The following XIRP2 variants were observed in gnomAD, a reference collection of about 807,000 sequenced individuals.
XIRP2 encodes the protein xin actin binding repeat containing 2.
A neutral mutation model predicts 277.0 loss-of-function variants in XIRP2; 236 were observed. That is an observed-to-expected ratio of 0.85 (90% CI 0.77 to 0.95). The LOEUF (loss-of-function observed/expected upper bound fraction) is 0.95, where lower values mean the gene tolerates loss of function less well. XIRP2 is among the 40% of genes least tolerant of loss of function. The pLI is 0.00. For synonymous variants in XIRP2, 1,490 were observed against 1,416.5 expected, an observed-to-expected ratio of 1.05 and a Z score of -1.17; for missense variants, 4,640 against 4,157.5, an observed-to-expected ratio of 1.12 and a Z score of -3.19.
At chr2:167,207,208 C>A (rs548244309) in intron 3 of XIRP2, among the ~76,000 whole-genome samples, 1 of 152,122 alleles carries the variant, frequency 6.6e-6, no homozygotes, top group African/African-American at 2.4e-5. Flanking sequence ...TCACTGAATT[C>A]CAAATTTGAA....
intron 2 of XIRP2, among the ~76,000 whole-genome samples, chr2:167,021,979 T>C (rs1328622939): frequency 6.6e-6 from 1 of 152,130 alleles, no homozygotes; most frequent in African/African-American, 2.4e-5. Context: ...TTGAAAGTTA[T>C]TAACCCTACA....
intron 2 of XIRP2, among the ~76,000 whole-genome samples, chr2:167,099,663 T>C (rs1690435114): frequency 6.6e-6 from 1 of 152,178 alleles, no homozygotes. Context: ...TCTCCTGGTC[T>C]GTGGGTTGCA....
At chr2:166,999,382 T>C (rs900815175) in intron 2 of XIRP2, among the ~76,000 whole-genome samples, 1 of 148,338 alleles carries the variant, frequency 6.7e-6, no homozygotes, top group African/African-American at 2.5e-5. Context: ...TTTCTAATTT[T>C]AGAAGTAAAG....
At position 167,251,339 on chromosome 2, in the gene XIRP2, A is replaced by G. The variant is rs965064294; in HGVS notation, c.9947A>G (p.Asn3316Ser). The G allele has an allele frequency of 7.4e-6, 12 of 1,613,528 alleles. No individual in the cohort carries two copies. Among genetic ancestry groups the G allele is most frequent in the African/African-American group, 1.3e-5 (1 of 74,852 alleles). Reference protein sequence around the residue: ...SEHTQRYEAANRTVQMAENFV... With the variant: ...SEHTQRYEAASRTVQMAENFV... ...CACACACAGAGATATGAAGCGGCCA[A>G]CCGAACTGTTCAAATGGCTGAAAAT... The change falls in exon 9 of 11, where the codon AAC becomes AGC. Residue 3316 changes from asparagine (N) to serine (S), a missense_variant. Physicochemically the swap from Asn to Ser is conservative, Grantham distance 46 (BLOSUM62 1). Coordinates refer to ENST00000409195, the MANE Select transcript of XIRP2 (RefSeq NM_152381.6).
intron 2 of XIRP2, among the ~76,000 whole-genome samples, chr2:166,988,651 G>A (rs1348642182): frequency 1.7e-5 from 2 of 121,084 alleles, no homozygotes; most frequent in Non-Finnish European, 1.7e-5. Context: ...TGCCTCACCT[G>A]GGAAGCGCAA....
intron 2 of XIRP2, among the ~76,000 whole-genome samples, chr2:167,127,291 G>A (rs1435031289): frequency 6.6e-6 from 1 of 151,840 alleles, no homozygotes; most frequent in Admixed American, 6.6e-5. Context: ...GAAACATAAG[G>A]TAGAGTTGTG....
At chr2:167,197,388 T>A (rs1693549581) in intron 3 of XIRP2, among the ~76,000 whole-genome samples, 1 of 152,264 alleles carries the variant, frequency 6.6e-6, no homozygotes, top group East Asian at 1.9e-4. Context: ...CAAGACAAAT[T>A]CATTCAACAA....
At chr2:166,949,180 T>A (rs1343597885) in intron 2 of XIRP2, among the ~76,000 whole-genome samples, 6 of 152,118 alleles carry the variant, frequency 3.9e-5, no homozygotes, top group Admixed American at 3.9e-4. Flanking sequence ...ATTATCATTT[T>A]GCTATATTTC....
Position 167,249,195 on chromosome 2 carries a change from T to G in XIRP2, c.7803T>G (p.Ile2601Met). 6.2e-7 allele frequency: 1 copy of G among 1,613,670 alleles called. No homozygotes were observed. The highest frequency in any genetic ancestry group is 2.2e-5 in the East Asian group (1 of 44,834). The change falls in exon 9 of 11, where the codon ATT becomes ATG. Residue 2601 changes from isoleucine (I) to methionine (M), a missense_variant. By Grantham distance (10) the Ile-to-Met change is conservative. Coordinates refer to ENST00000409195, the MANE Select transcript of XIRP2 (RefSeq NM_152381.6). ...KTNEEVSLSG[I>M]DSECTVVQPS... ...ATGAGGAGGTTTCCCTATCTGGAAT[T>G]GATTCAGAATGCACTGTGGTTCAAC...
chr2:167,258,192 C>A lies in XIRP2; in HGVS notation c.*375C>A, dbSNP rs1695718712. On this transcript the variant is annotated 3_prime_UTR_variant, in exon 11 of 11. Coordinates refer to ENST00000409195, the MANE Select transcript of XIRP2 (RefSeq NM_152381.6). ...CCTTCCAAGGAGATCCCTAAGAAAA[C>A]CTTACCCTTTGAGGAAGAGCTCAAA... 1 of 1,613,040 alleles carries A rather than the reference C, an allele frequency of 6.2e-7. No individual in the cohort carries two copies. The highest frequency in any genetic ancestry group is 1.7e-5 in the Admixed American group (1 of 59,830).
In XIRP2 at chr2:167,027,128, C is replaced by G. The variant is rs188688707; in HGVS notation, c.409-108781C>G. ...CATCTTGGTTCCATTCTCTCCGTCACTCTCAGGTACACCAATCAGACCTAG... is the reference window on the plus strand; with the variant it reads ...CATCTTGGTTCCATTCTCTCCGTCAGTCTCAGGTACACCAATCAGACCTAG... On this transcript the variant is annotated intron_variant, in intron 2 of 10. Coordinates refer to ENST00000409195, the MANE Select transcript of XIRP2 (RefSeq NM_152381.6). Among the ~76,000 whole-genome samples the G allele has an allele frequency of 2.0e-5, 3 of 152,268 alleles. No individual in the cohort carries two copies. In the East Asian group the frequency reaches 5.8e-4, roughly 29 times the overall value.
intron 2 of XIRP2, among the ~76,000 whole-genome samples, chr2:167,025,618 T>A (rs200747144): frequency 0.053 from 8,045 of 151,076 alleles, 598 homozygotes; most frequent in East Asian, 0.37. Flanking sequence ...CTCTACACAC[T>A]GCTTTGAATG....
At chr2:166,989,004 TG>T (rs1687097141) in intron 2 of XIRP2, among the ~76,000 whole-genome samples, 1 of 94,440 alleles carries the variant, frequency 1.1e-5, no homozygotes, top group Non-Finnish European at 2.0e-5. Flanking sequence ...GCTCCACCTC[TG>T]GGGGCAGGGC....
intron 3 of XIRP2, among the ~76,000 whole-genome samples, chr2:167,164,620 A>G (rs931866575): frequency 2.6e-5 from 4 of 152,054 alleles, no homozygotes; most frequent in African/African-American, 9.7e-5. Context: ...ACTGGCAATA[A>G]CTCAAATTTA....
chr2:166,971,776 T>A (rs928450898), intron 2 of XIRP2, among the ~76,000 whole-genome samples: 2 of 152,136 alleles, frequency 1.3e-5, no homozygotes, highest in Admixed American at 1.3e-4. Context: ...TAATTTTTAA[T>A]TATTCATATC....
intron 1 of XIRP2, among the ~76,000 whole-genome samples, chr2:166,894,538 A>G (rs142992204): frequency 5.5e-4 from 84 of 152,300 alleles, no homozygotes; most frequent in African/African-American, 1.9e-3. Flanking sequence ...GTTGCTCTTA[A>G]TATCTACTGA....
chr2:167,087,815 G>T (rs1283084432), intron 2 of XIRP2, among the ~76,000 whole-genome samples: 1 of 151,864 alleles, frequency 6.6e-6, no homozygotes, highest in East Asian at 1.9e-4. Context: ...CACGGTGCGT[G>T]CACCCACTGA....
rs1331127652 is a variant in XIRP2, at chr2:167,084,209, T to C, written c.409-51700T>C. On this transcript the variant is annotated intron_variant, in intron 2 of 10. Transcript: ENST00000409195. ...ATCTATTGAGATAATAATGTGGTTT[T>C]TGTCTTTGGTTCTGTTTATATGCTG... Among the ~76,000 whole-genome samples, 5 of 152,232 alleles carry C rather than the reference T, an allele frequency of 3.3e-5. No individual in the cohort carries two copies. The East Asian group carries it at 9.6e-4, about 29-fold the overall frequency.
At chr2:166,896,473 T>C (rs889639841) in intron 1 of XIRP2, among the ~76,000 whole-genome samples, 4 of 151,520 alleles carry the variant, frequency 2.6e-5, no homozygotes, top group African/African-American at 9.7e-5. Flanking sequence ...TCTTAGTTTT[T>C]AATAAAAATT....
Sources: allele counts gnomAD v4.1 joint callset (sites outside exome capture counted in the v4.1 genomes callset), GRCh38; gene constraint gnomAD v4.1.1; transcripts MANE v1.5; gene names NCBI Gene and HGNC (gene_info 2026-07-23, HGNC 2026-07-21).